CCNJL: variants seen among roughly 807,000 people sequenced by gnomAD.
CCNJL encodes cyclin-J-like protein.
CCNJL carries 33 observed loss-of-function variants against 33.4 expected under a neutral mutation model. The ratio of observed to expected loss-of-function variants is 0.99; its 90% CI spans 0.75 to 1.32. The LOEUF is 1.32. Among genes scored for constraint, CCNJL ranks in the 40% most tolerant of loss-of-function variants. CCNJL has a pLI of 0.00. For missense variants in CCNJL, 512 were observed against 499.7 expected, an observed-to-expected ratio of 1.02 and a Z score of -0.23; for synonymous variants, 227 against 220.9, an observed-to-expected ratio of 1.03 and a Z score of -0.24.
chr5:160,274,953 A>G lies in CCNJL; in HGVS notation c.280+5572T>C, dbSNP rs903504518. The G allele has an allele frequency of 2.4e-4, 36 of 152,320 alleles. 1 individual carries two copies. The highest frequency in any genetic ancestry group is 8.7e-4 in the African/African-American group (36 of 41,440). 9.4% of individuals were successfully genotyped at this position (152,320 alleles called of 1,614,324 possible). A position where few individuals can be genotyped will look rare whatever the true frequency, so the allele number is the denominator to read the frequency against. Reference sequence around the variant, plus strand: ...AAAAAGGAAGAATGGAAAAGGAAGGAAGAGAGGGAATCTGGCAGTTTTGTT... The same window carrying G: ...AAAAAGGAAGAATGGAAAAGGAAGGGAGAGAGGGAATCTGGCAGTTTTGTT... On this transcript the variant is annotated intron_variant, in intron 3 of 5. Transcript: ENST00000257536.
Position 160,259,776 on chromosome 5 carries a change from C to CGGGGAGCAG in CCNJL, c.281-14_281-6dup, listed in dbSNP as rs1761240169. Reference sequence around the variant, plus strand: ...CTTCCCGATCCTCGAACTTACCTGTCGGGGAGCAGGGGAAGCAGGGGTTAC... The same window carrying CGGGGAGCAG: ...CTTCCCGATCCTCGAACTTACCTGTCGGGGAGCAGGGGGAGCAGGGGAAGCAGGGGTTAC... On this transcript the variant is annotated splice_polypyrimidine_tract_variant and splice_region_variant and intron_variant, in intron 3 of 5. Coordinates refer to ENST00000257536, the MANE Select transcript of CCNJL (RefSeq NM_001308173.3). The CGGGGAGCAG allele has an allele frequency of 6.9e-6, 11 of 1,597,818 alleles. No homozygotes were observed. The highest frequency in any genetic ancestry group is 1.7e-5 in the Admixed American group (1 of 59,184).
upstream of CCNJL, among the ~76,000 whole-genome samples, chr5:160,316,929 A>G (rs916144774): frequency 6.6e-6 from 1 of 152,226 alleles, no homozygotes; most frequent in African/African-American, 2.4e-5. Context: ...ATATCCTGAC[A>G]GGGTCAAGCA....
chr5:160,293,844 G>A (rs746750676), intron 2 of CCNJL, among the ~76,000 whole-genome samples: 4 of 152,150 alleles, frequency 2.6e-5, no homozygotes, highest in Non-Finnish European at 5.9e-5. Context: ...TACTTGGAGG[G>A]CGACAACCAC....
At chr5:160,328,597 A>G (rs1045427978) in intron 1 of CCNJL, among the ~76,000 whole-genome samples, 2 of 152,074 alleles carry the variant, frequency 1.3e-5, no homozygotes, top group East Asian at 3.9e-4. Flanking sequence ...TCTCTTAAAA[A>G]AAAAAAAAGA....
At chr5:160,261,007 T>C (rs77049979) in intron 3 of CCNJL, 3,294 of 152,376 alleles carry the variant, frequency 0.022, 82 homozygotes, top group African/African-American at 0.068. Flanking sequence ...AAAAGAGGCA[T>C]TGGGGCGGCC....
Position 160,332,700 on chromosome 5 carries a change from T to G in CCNJL, n.206+6745A>C, listed in dbSNP as rs147534806. ...AGCCAGCTCTCCAATATCCTTCAAG[T>G]TTTTACTCCATGTCATCTTAGCAGG... On this transcript the variant is annotated intron_variant and non_coding_transcript_variant, in intron 1 of 7. Transcript: ENST00000377503. 7.5e-3 allele frequency among the ~76,000 whole-genome samples: 1,135 copies of G among 152,232 alleles called. 15 individuals are homozygous for G. The highest frequency in any genetic ancestry group is 0.025 in the African/African-American group (1,055 of 41,536).
At chr5:160,261,914 G>A (rs1353792111) in intron 3 of CCNJL, among the ~76,000 whole-genome samples, 2 of 152,146 alleles carry the variant, frequency 1.3e-5, no homozygotes, top group African/African-American at 4.8e-5. Flanking sequence ...CACATAGTAG[G>A]TACCCAATAA....
chr5:160,321,018 CTTTCTTTCTT>C (rs1561812764), intron 1 of CCNJL, among the ~76,000 whole-genome samples: 222 of 19,642 alleles, frequency 0.011, no homozygotes, highest in Middle Eastern at 0.032. Context: ...CTCTCTCTTT[CTTTCTTTCTT>C]TCTTTCTTTC....
chr5:160,329,374 A>G (rs1763578926), intron 1 of CCNJL, among the ~76,000 whole-genome samples: 1 of 146,382 alleles, frequency 6.8e-6, no homozygotes, highest in South Asian at 2.2e-4. Flanking sequence ...TTTTTGAGAC[A>G]GAGTCTCGCT....
chr5:160,325,257 A>T (rs940412061), intron 1 of CCNJL, among the ~76,000 whole-genome samples: 2 of 152,162 alleles, frequency 1.3e-5, no homozygotes, highest in Admixed American at 6.5e-5. Context: ...TGATTGCTCC[A>T]TGCCCCAATT....
intron 2 of CCNJL, among the ~76,000 whole-genome samples, chr5:160,284,287 G>C (rs529528838): frequency 6.6e-6 from 1 of 152,068 alleles, no homozygotes; most frequent in Non-Finnish European, 1.5e-5. Context: ...AGGAGGAGGA[G>C]GCTGCAGTGA....
chr5:160,267,083 C>T (rs1761626683), intron 3 of CCNJL, among the ~76,000 whole-genome samples: 1 of 152,342 alleles, frequency 6.6e-6, no homozygotes, highest in South Asian at 2.1e-4. Flanking sequence ...AGAGAATCCA[C>T]ACACCAGGAT....
At chr5:160,322,934 T>A (rs1241989385) in intron 1 of CCNJL, among the ~76,000 whole-genome samples, 11 of 134,654 alleles carry the variant, frequency 8.2e-5, no homozygotes, top group Admixed American at 3.1e-4. Context: ...AAAAAAAAAA[T>A]AATAAAAATG....
chr5:160,311,864 G>C lies in CCNJL; in HGVS notation c.60C>G (p.Arg20=). The change falls in exon 2 of 6, where the codon CGC becomes CGG. Residue 20 remains arginine (R), a synonymous_variant. Coordinates refer to ENST00000257536, the MANE Select transcript of CCNJL (RefSeq NM_001308173.3). ...RVASDVHCTL[R]EKELKLPTFR... The stretch of plus-strand genomic sequence containing the variant: ...AGGGCAGGGAGGGACTGACCTTCTC[G>C]CGCAGGGTGCAGTGGACGTCCGAGG... 6.2e-7 allele frequency: 1 copy of C among 1,613,944 alleles called. No individual in the cohort carries two copies. Among genetic ancestry groups the C allele is most frequent in the Non-Finnish European group, 8.5e-7 (1 of 1,179,798 alleles).
At chr5:160,314,191 A>C (rs548549519), upstream of CCNJL, among the ~76,000 whole-genome samples, 452 of 152,344 alleles carry the variant, frequency 3.0e-3, 6 homozygotes, top group African/African-American at 0.01. Flanking sequence ...GAACAAAAAA[A>C]CTGGGGGGAC....
intron 3 of CCNJL, among the ~76,000 whole-genome samples, chr5:160,264,308 G>A (rs114867176): frequency 0.015 from 2,271 of 152,260 alleles, 29 homozygotes; most frequent in Non-Finnish European, 0.023. Context: ...GCAGACGCAC[G>A]TGTACCCCCA....
chr5:160,296,093 G>C lies in CCNJL; in HGVS notation c.67-15355C>G, dbSNP rs1182557178. 2.0e-5 allele frequency among the ~76,000 whole-genome samples: 3 copies of C among 151,398 alleles called. No homozygotes were observed. The South Asian group carries it at 6.3e-4, about 32-fold the overall frequency. The stretch of plus-strand genomic sequence containing the variant: ...CTAGCACAGTGTGTAGCATGCAGTT[G>C]GCTGCTAAAAACAGTGTGTTAAATG... On this transcript the variant is annotated intron_variant, in intron 2 of 5. Transcript: ENST00000257536.
chr5:160,296,937 G>C (rs1401164294), intron 2 of CCNJL, among the ~76,000 whole-genome samples: 1 of 152,166 alleles, frequency 6.6e-6, no homozygotes, highest in Non-Finnish European at 1.5e-5. Context: ...CTAGCTATGT[G>C]GGCTTGGGTA....
chr5:160,277,802 A>G (rs1403057743), intron 3 of CCNJL, among the ~76,000 whole-genome samples: 1 of 150,080 alleles, frequency 6.7e-6, no homozygotes, highest in East Asian at 2.0e-4. Context: ...CTGGAGTGCA[A>G]TGGCGCCATC....
Sources: allele counts gnomAD v4.1 joint callset (sites outside exome capture counted in the v4.1 genomes callset), GRCh38; gene constraint gnomAD v4.1.1; transcripts MANE v1.5; gene names NCBI Gene and HGNC (gene_info 2026-07-23, HGNC 2026-07-21).